IGF1: variants seen among roughly 807,000 people sequenced by gnomAD.
The protein encoded by IGF1 is insulin-like growth factor 1.
In IGF1, 4 loss-of-function variants were observed where a neutral mutation model predicts 13.8. The observed-to-expected ratio is 0.29, with a 90% CI of 0.14 to 0.66. The LOEUF (loss-of-function observed/expected upper bound fraction) is 0.66, where lower values mean the gene tolerates loss of function less well. Among genes scored for constraint, IGF1 ranks in the 30% least tolerant of loss-of-function variants. IGF1 has a pLI of 0.78. For synonymous variants in IGF1, 76 were observed against 72.6 expected, an observed-to-expected ratio of 1.05 and a Z score of -0.23; for missense variants, 124 against 188.5, an observed-to-expected ratio of 0.66 and a Z score of 2.00.
intron 2 of IGF1, among the ~76,000 whole-genome samples, chr12:102,425,531 TG>T (rs1876126269): frequency 6.6e-6 from 1 of 152,214 alleles, no homozygotes; most frequent in Non-Finnish European, 1.5e-5. Flanking sequence ...TCAATGTTTT[TG>T]TTTCTCTGAG....
intron 3 of IGF1, among the ~76,000 whole-genome samples, chr12:102,418,213 C>T (rs974813785): frequency 2.6e-5 from 4 of 152,228 alleles, no homozygotes; most frequent in Admixed American, 6.5e-5. Context: ...AACCAAGAGG[C>T]GCTGGGTCAC....
chr12:102,420,318 A>G (rs1009422348), intron 2 of IGF1, among the ~76,000 whole-genome samples: 4 of 152,240 alleles, frequency 2.6e-5, no homozygotes, highest in Non-Finnish European at 5.9e-5. Context: ...GGAGCCCAGG[A>G]GAACTGTTGT....
At chr12:102,429,043 A>T (rs1198032032) in intron 2 of IGF1, among the ~76,000 whole-genome samples, 1 of 152,196 alleles carries the variant, frequency 6.6e-6, no homozygotes, top group Non-Finnish European at 1.5e-5. Context: ...TTTTTGGTAA[A>T]ATAAATTACT....
Position 102,395,908 on chromosome 12 carries a change from A to G in IGF1, c.*6599T>C, listed in dbSNP as rs1179611706. Reference sequence around the variant, plus strand: ...CATGACTAATTTTAATGTAATTACTAAAGAAAGATATACCATTTTATTATG... The same window carrying G: ...CATGACTAATTTTAATGTAATTACTGAAGAAAGATATACCATTTTATTATG... On this transcript the variant is annotated 3_prime_UTR_variant, in exon 4 of 4. Coordinates refer to ENST00000337514, the MANE Select transcript of IGF1 (RefSeq NM_000618.5). 6.6e-6 allele frequency: 1 copy of G among 152,214 alleles called. No individual in the cohort carries two copies. Among genetic ancestry groups the G allele is most frequent in the Non-Finnish European group, 1.5e-5 (1 of 68,024 alleles). 9.4% of individuals were successfully genotyped at this position (152,214 alleles called of 1,614,324 possible).
intron 2 of IGF1, among the ~76,000 whole-genome samples, chr12:102,444,478 C>T (rs2137111186): frequency 6.6e-6 from 1 of 152,132 alleles, no homozygotes; most frequent in Non-Finnish European, 1.5e-5. Context: ...AGGGGGCACC[C>T]TCCATGAGCA....
intron 3 of IGF1, chr12:102,418,011 C>T (rs1436706737): frequency 6.2e-7 from 1 of 1,603,522 alleles, no homozygotes; most frequent in Admixed American, 1.8e-5. Flanking sequence ...ATACTGTAAA[C>T]ATCACAAAAA....
At chr12:102,404,415 CAT>C (rs763845522) in intron 3 of IGF1, among the ~76,000 whole-genome samples, 35 of 152,226 alleles carry the variant, frequency 2.3e-4, no homozygotes, top group Non-Finnish European at 4.1e-4. Context: ...TTTTCTTACA[CAT>C]GTTTTCCGGT....
intron 2 of IGF1, among the ~76,000 whole-genome samples, chr12:102,448,686 T>C (rs1287949805): frequency 4.7e-4 from 9 of 19,104 alleles, no homozygotes; most frequent in African/African-American, 2.4e-3. Flanking sequence ...ACTTAGAGTA[T>C]AATAAAAAAA....
intron 2 of IGF1, among the ~76,000 whole-genome samples, chr12:102,427,265 G>T (rs1414315618): frequency 6.6e-6 from 1 of 152,078 alleles, no homozygotes; most frequent in African/African-American, 2.4e-5. Flanking sequence ...CCAGCTTGGA[G>T]ATTGTAGCTA....
chr12:102,417,712 C>G, intron 3 of IGF1: 1 of 1,542,998 alleles, frequency 6.5e-7, no homozygotes, highest in Non-Finnish European at 8.7e-7. Context: ...CTAGCTCCAG[C>G]AGGCCTACTT....
intron 2 of IGF1, among the ~76,000 whole-genome samples, chr12:102,435,469 A>G (rs144151861): frequency 6.6e-6 from 1 of 152,362 alleles, no homozygotes; most frequent in East Asian, 1.9e-4. Flanking sequence ...GGCATCATCA[A>G]TCCATATAGC....
chr12:102,417,457 A>G, intron 3 of IGF1: 1 of 737,372 alleles, frequency 1.4e-6, no homozygotes, highest in Non-Finnish European at 1.7e-6. Context: ...TAACAGATTC[A>G]TACAAAATTT....
chr12:102,417,773 C>T (rs752254822), intron 3 of IGF1: 5 of 1,611,048 alleles, frequency 3.1e-6, no homozygotes, highest in Non-Finnish European at 4.2e-6. Context: ...GCTGTCTGCT[C>T]CTCTCTCATC....
In IGF1 at chr12:102,402,411, A is replaced by AT; in HGVS notation, c.*95dup. 5 of 777,858 alleles carry AT rather than the reference A, an allele frequency of 6.4e-6. No homozygotes were observed. Among genetic ancestry groups the AT allele is most frequent in the Non-Finnish European group, 9.6e-6 (4 of 416,438 alleles). The allele number at this position is 777,858 out of a possible 1,614,324, so 48.2% of individuals were successfully genotyped here. ...CCATCTTTTAAATGTTATCAAACTTATTTTTTGGTAGGTGTTCCAAAGTTT... is the reference window on the plus strand; with the variant it reads ...CCATCTTTTAAATGTTATCAAACTTATTTTTTTGGTAGGTGTTCCAAAGTTT... On this transcript the variant is annotated 3_prime_UTR_variant, in exon 4 of 4. Coordinates refer to ENST00000337514, the MANE Select transcript of IGF1 (RefSeq NM_000618.5).
intron 2 of IGF1, among the ~76,000 whole-genome samples, chr12:102,429,308 C>A (rs866915670): frequency 6.6e-6 from 1 of 152,002 alleles, no homozygotes; most frequent in Admixed American, 6.6e-5. Flanking sequence ...TTAAACATGA[C>A]CATGAAACTG....
chr12:102,481,689 C>G (rs998254729), upstream of IGF1: 1 of 151,968 alleles, frequency 6.6e-6, no homozygotes, highest in Non-Finnish European at 1.5e-5. Flanking sequence ...TGCAAAAGCC[C>G]AGAGCAGACA....
At chr12:102,470,434 T>G (rs1880613412) in intron 2 of IGF1, among the ~76,000 whole-genome samples, 2 of 152,238 alleles carry the variant, frequency 1.3e-5, no homozygotes, top group African/African-American at 4.8e-5. Flanking sequence ...ATTTTCTTAG[T>G]GGTCCTATGG....
intron 2 of IGF1, among the ~76,000 whole-genome samples, chr12:102,471,367 G>A (rs1258316280): frequency 2.6e-5 from 4 of 152,136 alleles, no homozygotes; most frequent in Non-Finnish European, 5.9e-5. Context: ...TTAGACCCAG[G>A]AAGTTTAAAT....
At chr12:102,439,896 T>C (rs775140351) in intron 2 of IGF1, among the ~76,000 whole-genome samples, 2 of 152,128 alleles carry the variant, frequency 1.3e-5, no homozygotes, top group Middle Eastern at 3.2e-3. Context: ...TCGGGCCACA[T>C]TGGAAGCATT....
Sources: gnomAD v4.1 joint callset for allele counts (sites outside exome capture counted in the v4.1 genomes callset) on GRCh38, gnomAD v4.1.1 for gene constraint, MANE v1.5 for transcripts, NCBI Gene and HGNC (gene_info 2026-07-23, HGNC 2026-07-21) for gene names.